Variants in DPP10 observed in about 807,000 individuals in gnomAD.
DPP10 encodes the protein dipeptidyl peptidase like 10, also known as inactive dipeptidyl peptidase 10.
In DPP10, 33 loss-of-function variants were observed where a neutral mutation model predicts 120.9. The observed-to-expected ratio is 0.27, with a 90% CI of 0.21 to 0.37. DPP10 has a LOEUF of 0.37. Ranked by LOEUF, DPP10 falls within the 10% of genes least tolerant of loss-of-function variation. DPP10 has a pLI of 1.00. For synonymous variants in DPP10, 337 were observed against 326.1 expected, an observed-to-expected ratio of 1.03 and a Z score of -0.36; for missense variants, 816 against 942.8, an observed-to-expected ratio of 0.87 and a Z score of 1.76.
At chr2:114,699,570 C>G (rs1369397342) in intron 1 of DPP10, among the ~76,000 whole-genome samples, 1 of 152,000 alleles carries the variant, frequency 6.6e-6, no homozygotes, top group Non-Finnish European at 1.5e-5. Context: ...AGGAAAGAAA[C>G]CTTAGCAGTC....
chr2:115,003,190 A>AC (rs1257823267), intron 1 of DPP10, among the ~76,000 whole-genome samples: 1 of 151,346 alleles, frequency 6.6e-6, no homozygotes, highest in Non-Finnish European at 1.5e-5. Flanking sequence ...AAAAAAAAAA[A>AC]AACAATGAAA....
intron 1 of DPP10, among the ~76,000 whole-genome samples, chr2:115,088,310 C>A (rs1340896443): frequency 6.6e-6 from 1 of 152,050 alleles, no homozygotes; most frequent in Non-Finnish European, 1.5e-5. Flanking sequence ...AGCTGTTCTT[C>A]TAGAGAAATG....
intron 1 of DPP10, among the ~76,000 whole-genome samples, chr2:114,940,614 C>G (rs916697299): frequency 2.6e-5 from 4 of 151,454 alleles, no homozygotes; most frequent in African/African-American, 9.7e-5. Flanking sequence ...ATTTCTTCAG[C>G]CAATACACAG....
chr2:114,921,201 T>C (rs1400741969), intron 1 of DPP10, among the ~76,000 whole-genome samples: 3 of 152,178 alleles, frequency 2.0e-5, no homozygotes, highest in Non-Finnish European at 4.4e-5. Context: ...GAAACATAAA[T>C]ATGCAGGATT....
intron 5 of DPP10, among the ~76,000 whole-genome samples, chr2:115,653,968 T>C (rs1428321166): frequency 1.3e-5 from 2 of 151,938 alleles, no homozygotes; most frequent in Non-Finnish European, 2.9e-5. Context: ...ACTATTTTAC[T>C]CAGTTCAAAT....
chr2:115,176,397 A>C (rs529089042), intron 1 of DPP10, among the ~76,000 whole-genome samples: 1 of 150,498 alleles, frequency 6.6e-6, no homozygotes, highest in Admixed American at 6.6e-5. Context: ...TTTAATCCTC[A>C]CCATAACCTT....
chr2:114,967,674 G>T (rs1175936172), intron 1 of DPP10, among the ~76,000 whole-genome samples: 1 of 152,170 alleles, frequency 6.6e-6, no homozygotes, highest in Non-Finnish European at 1.5e-5. Flanking sequence ...TCCCAGGGAG[G>T]TATGTTTTCA....
intron 19 of DPP10, among the ~76,000 whole-genome samples, chr2:115,792,624 GT>G (rs1039548599): frequency 5.9e-4 from 89 of 149,976 alleles, no homozygotes; most frequent in African/African-American, 2.0e-3. Context: ...TTAATTCATT[GT>G]TTTTTTTTCT....
intron 1 of DPP10, among the ~76,000 whole-genome samples, chr2:114,726,234 TAAAA>T (rs66544851): frequency 1.8e-5 from 2 of 113,872 alleles, no homozygotes; most frequent in African/African-American, 3.3e-5. Flanking sequence ...AGACTACGTC[TAAAA>T]AAAAAAAAAA....
intron 1 of DPP10, among the ~76,000 whole-genome samples, chr2:115,294,023 A>T (rs1219512484): frequency 2.0e-5 from 3 of 152,162 alleles, no homozygotes; most frequent in Admixed American, 1.3e-4. Context: ...CTGTTAGTGT[A>T]TATACTTTGC....
chr2:115,040,648 G>T (rs1704566526), intron 1 of DPP10, among the ~76,000 whole-genome samples: 2 of 151,912 alleles, frequency 1.3e-5, no homozygotes, highest in South Asian at 4.2e-4. Flanking sequence ...GGCCTGGTGG[G>T]AGGTGACTGG....
chr2:115,807,965 A>G (rs1686203023), intron 19 of DPP10, among the ~76,000 whole-genome samples: 1 of 152,032 alleles, frequency 6.6e-6, no homozygotes, highest in Admixed American at 6.6e-5. Context: ...AAGACTTAAG[A>G]ATGTTTTCTT....
chr2:115,094,048 G>A (rs1488853813), intron 1 of DPP10, among the ~76,000 whole-genome samples: 3 of 152,176 alleles, frequency 2.0e-5, no homozygotes, highest in Admixed American at 6.5e-5. Flanking sequence ...GGAAGTTAAG[G>A]CATGCCTACT....
chr2:115,706,994 A>G (rs769619625), intron 7 of DPP10, among the ~76,000 whole-genome samples: 1 of 151,968 alleles, frequency 6.6e-6, no homozygotes, highest in Non-Finnish European at 1.5e-5. Flanking sequence ...AAAAAAAGAC[A>G]GTACAATTTT....
chr2:115,172,793 C>T (rs889436210), intron 1 of DPP10, among the ~76,000 whole-genome samples: 1 of 152,104 alleles, frequency 6.6e-6, no homozygotes, highest in African/African-American at 2.4e-5. Context: ...ATAGACAGAG[C>T]GATGGAAAAT....
intron 21 of DPP10, among the ~76,000 whole-genome samples, chr2:115,827,307 A>ATG (rs1161409585): frequency 7.1e-6 from 1 of 141,532 alleles, no homozygotes; most frequent in African/African-American, 2.6e-5. Flanking sequence ...ATACATATAT[A>ATG]TACACATGTA....
rs577412949 is a variant in DPP10, at chr2:115,843,308, T to C, written c.*963T>C. ...TTAAATATTAAATTATAGTTTCTGATAAAGAAATTTTGTTAACAATGCAAT... is the reference window on the plus strand; with the variant it reads ...TTAAATATTAAATTATAGTTTCTGACAAAGAAATTTTGTTAACAATGCAAT... On this transcript the variant is annotated 3_prime_UTR_variant, in exon 26 of 26. Transcript: ENST00000410059. 6.5e-6 allele frequency: 1 copy of C among 152,748 alleles called. No homozygotes were observed. Among genetic ancestry groups the C allele is most frequent in the South Asian group, 2.1e-4 (1 of 4,826 alleles). The allele number at this position is 152,748 out of a possible 1,614,324, so 9.5% of individuals were successfully genotyped here.
At position 115,361,728 on chromosome 2, in the gene DPP10, G is replaced by GAGCC. The variant is rs554631284; in HGVS notation, c.271+17819_271+17822dup. Among the ~76,000 whole-genome samples, 183 of 152,116 alleles carry GAGCC rather than the reference G, an allele frequency of 1.2e-3. 10 individuals carry two copies. In the South Asian group the frequency reaches 0.038, roughly 31 times the overall value. ...TTCCTTAGGACCTGTTAAGGGCTGA[G>GAGCC]AGCCAGTTCTGGTGCTCAGCAACTT... On this transcript the variant is annotated intron_variant, in intron 3 of 25. Transcript: ENST00000410059.
At chr2:115,645,896 C>T (rs922463916) in intron 5 of DPP10, among the ~76,000 whole-genome samples, 3 of 151,930 alleles carry the variant, frequency 2.0e-5, no homozygotes, top group Admixed American at 6.6e-5. Context: ...ATCATGATGA[C>T]GAGGTAACAA....
Sources: allele counts gnomAD v4.1 joint callset (sites outside exome capture counted in the v4.1 genomes callset), GRCh38; gene constraint gnomAD v4.1.1; transcripts MANE v1.5; gene names NCBI Gene and HGNC (gene_info 2026-07-23, HGNC 2026-07-21).